FGGY: variants seen among roughly 807,000 people sequenced by gnomAD.
The protein encoded by FGGY is FGGY carbohydrate kinase domain containing.
FGGY carries 72 observed loss-of-function variants against 71.3 expected under a neutral mutation model. The observed-to-expected ratio is 1.01, with a 90% CI of 0.84 to 1.23. The LOEUF is 1.23. Among genes scored for constraint, FGGY ranks in the 50% most tolerant of loss-of-function variants. The pLI is 0.00. For synonymous variants in FGGY, 251 were observed against 250.3 expected (o/e 1.00, Z -0.02); for missense variants, 668 against 682.3 (o/e 0.98, Z 0.23).
At position 59,313,968 on chromosome 1, in the gene FGGY, C is replaced by CT. The variant is rs1028016223; in HGVS notation, c.-14-7557dup. ...AAAAACCTACGGAAATTTTTTTTTT[C>CT]TTTTTTTTTTTGAGACAGAATCTCG... On this transcript the variant is annotated intron_variant, in intron 1 of 15. Coordinates refer to ENST00000303721, the MANE Select transcript of FGGY (RefSeq NM_018291.5). 8.6e-3 allele frequency among the ~76,000 whole-genome samples: 1,257 copies of CT among 145,720 alleles called. 6 individuals carry two copies. Among genetic ancestry groups the CT allele is most frequent in the Middle Eastern group, 0.021 (6 of 284 alleles).
intron 1 of FGGY, among the ~76,000 whole-genome samples, chr1:59,304,914 A>G (rs2043232005): frequency 6.6e-6 from 1 of 151,988 alleles, no homozygotes; most frequent in Non-Finnish European, 1.5e-5. Context: ...TTGATTTTTT[A>G]TTCTACAGCT....
At chr1:59,347,585 A>G (rs2052338250) in intron 4 of FGGY, among the ~76,000 whole-genome samples, 1 of 152,194 alleles carries the variant, frequency 6.6e-6, no homozygotes, top group Admixed American at 6.5e-5. Context: ...TTATAGTAGC[A>G]TGGTACTGGT....
chr1:59,613,990 A>G (rs2096720751), intron 9 of FGGY, among the ~76,000 whole-genome samples: 2 of 152,254 alleles, frequency 1.3e-5, no homozygotes, highest in East Asian at 3.8e-4. Flanking sequence ...AGGCTCTGAA[A>G]TTGAGGCAAT....
chr1:59,521,499 A>G (rs2153648003), intron 7 of FGGY, among the ~76,000 whole-genome samples: 1 of 152,316 alleles, frequency 6.6e-6, no homozygotes. Flanking sequence ...ATCTTGTGCC[A>G]CACGTCAGTG....
intron 6 of FGGY, among the ~76,000 whole-genome samples, chr1:59,486,175 G>A (rs1382649374): frequency 2.6e-5 from 4 of 152,104 alleles, no homozygotes; most frequent in African/African-American, 7.2e-5. Context: ...GAATGACAGC[G>A]CACCCAGAGG....
chr1:59,717,335 C>G (rs544221129), intron 14 of FGGY, among the ~76,000 whole-genome samples: 60 of 152,044 alleles, frequency 3.9e-4, no homozygotes, highest in African/African-American at 1.4e-3. Flanking sequence ...TAAACAATTC[C>G]CCATGGACTC....
intron 8 of FGGY, among the ~76,000 whole-genome samples, chr1:59,606,214 C>T (rs1249753088): frequency 3.3e-5 from 5 of 152,212 alleles, no homozygotes; most frequent in Admixed American, 6.5e-5. Context: ...CTCTTACCCA[C>T]ATGGCTTTGT....
chr1:59,735,381 TG>T (rs2098091443), intron 14 of FGGY, among the ~76,000 whole-genome samples: 1 of 152,230 alleles, frequency 6.6e-6, no homozygotes, highest in African/African-American at 2.4e-5. Flanking sequence ...ATTTACAGCC[TG>T]GGAGTCAGGA....
intron 5 of FGGY, among the ~76,000 whole-genome samples, chr1:59,448,906 G>A (rs999037377): frequency 1.3e-5 from 2 of 152,102 alleles, no homozygotes; most frequent in East Asian, 1.9e-4. Flanking sequence ...AATAGTCCAC[G>A]GTTCTGGACT....
intron 9 of FGGY, among the ~76,000 whole-genome samples, chr1:59,611,106 A>C (rs1017974562): frequency 4.5e-4 from 68 of 152,258 alleles, no homozygotes; most frequent in Non-Finnish European, 1.6e-4. Context: ...GCTGAACAAA[A>C]GGCAGCAGAA....
intron 5 of FGGY, among the ~76,000 whole-genome samples, chr1:59,442,443 T>C (rs562801600): frequency 4.6e-5 from 7 of 151,964 alleles, no homozygotes; most frequent in South Asian, 4.2e-4. Flanking sequence ...TTTTTGTTTT[T>C]GTTTTTGTTT....
chr1:59,354,103 G>A (rs965010490), intron 4 of FGGY, among the ~76,000 whole-genome samples: 2 of 144,844 alleles, frequency 1.4e-5, no homozygotes, highest in Non-Finnish European at 3.0e-5. Flanking sequence ...TTTTTGAGAG[G>A]GTCTTGCTCT....
chr1:59,622,384 C>T (rs1473912735), intron 9 of FGGY, among the ~76,000 whole-genome samples: 1 of 152,040 alleles, frequency 6.6e-6, no homozygotes, highest in Non-Finnish European at 1.5e-5. Flanking sequence ...ATATTTTGGA[C>T]ATTGTGATTG....
intron 10 of FGGY, among the ~76,000 whole-genome samples, chr1:59,632,528 C>A (rs1215858510): frequency 6.6e-6 from 1 of 152,064 alleles, no homozygotes; most frequent in Non-Finnish European, 1.5e-5. Flanking sequence ...TATCGCGAAT[C>A]GCAGATAGAT....
chr1:59,611,496 T>C (rs899688534), intron 9 of FGGY, among the ~76,000 whole-genome samples: 2 of 152,094 alleles, frequency 1.3e-5, no homozygotes, highest in South Asian at 2.1e-4. Flanking sequence ...AAACCCAATC[T>C]GTACGTCACC....
chr1:59,640,349 CTTCTG>C (rs1232610326), intron 11 of FGGY, among the ~76,000 whole-genome samples: 2 of 152,170 alleles, frequency 1.3e-5, no homozygotes, highest in Non-Finnish European at 2.9e-5. Flanking sequence ...CCCTGAAATT[CTTCTG>C]TTATGTTATA....
At chr1:59,678,863 G>A (rs2097463475) in intron 14 of FGGY, among the ~76,000 whole-genome samples, 2 of 152,192 alleles carry the variant, frequency 1.3e-5, no homozygotes, top group Admixed American at 6.5e-5. Flanking sequence ...TTTAAGGGGA[G>A]TACCAGTGTA....
chr1:59,344,621 CCATAACCCACAGATACTCAAG>C, intron 3 of FGGY, among the ~76,000 whole-genome samples: 1 of 152,214 alleles, frequency 6.6e-6, no homozygotes, highest in East Asian at 1.9e-4. Context: ...CTCCTTAAGA[CCATAACCCACAGATACTCAAG>C]TCCCTGATGT....
intron 14 of FGGY, among the ~76,000 whole-genome samples, chr1:59,686,135 T>C (rs1211978995): frequency 6.6e-6 from 1 of 152,228 alleles, no homozygotes; most frequent in African/African-American, 2.4e-5. Context: ...GCTGGGTTTA[T>C]AGCTTTTTGG....
Sources: allele counts gnomAD v4.1 joint callset (sites outside exome capture counted in the v4.1 genomes callset), GRCh38; gene constraint gnomAD v4.1.1; transcripts MANE v1.5; gene names NCBI Gene and HGNC (gene_info 2026-07-23, HGNC 2026-07-21).